RIMS2: variants seen among roughly 807,000 people sequenced by gnomAD.
The protein encoded by RIMS2 is regulating synaptic membrane exocytosis 2, also known as regulating synaptic membrane exocytosis protein 2.
Under a neutral mutation model 174.4 loss-of-function variants are expected in RIMS2, and 59 were observed. The observed-to-expected ratio is 0.34, with a 90% CI of 0.27 to 0.42. RIMS2 has a LOEUF of 0.42. RIMS2 is among the 10% of genes least tolerant of loss of function. The pLI is 1.00. For missense variants in RIMS2, 1,620 were observed against 1,666.3 expected, an observed-to-expected ratio of 0.97 and a Z score of 0.48; for synonymous variants, 606 against 572.5, an observed-to-expected ratio of 1.06 and a Z score of -0.84.
chr8:104,235,741 C>A (rs1448892067), intron 19 of RIMS2, among the ~76,000 whole-genome samples: 1 of 151,948 alleles, frequency 6.6e-6, no homozygotes, highest in Non-Finnish European at 1.5e-5. Context: ...GGTTAAGTTG[C>A]AGACATCATG....
intron 1 of RIMS2, among the ~76,000 whole-genome samples, chr8:103,688,078 G>T (rs2096964493): frequency 6.6e-6 from 1 of 151,996 alleles, no homozygotes; most frequent in Non-Finnish European, 1.5e-5. Flanking sequence ...CAATTTGGAT[G>T]CCTTTTATTT....
At position 104,148,923 on chromosome 8, in the gene RIMS2, T is replaced by G. The variant is rs866991588; in HGVS notation, c.3335-95993T>G. On this transcript the variant is annotated intron_variant, in intron 19 of 23. Transcript: ENST00000504942. ...AGATATATTTCTTTTCTCTTACTCA[T>G]TTTATTGCAGTAATGTGTGGATGAT... The G allele has an allele frequency of 3.5e-6, 5 of 1,426,620 alleles. 1 individual carries two copies. The highest frequency in any genetic ancestry group is 1.9e-4 in the Middle Eastern group (1 of 5,220). The allele number at this position is 1,426,620 out of a possible 1,614,324, so 88.4% of individuals were successfully genotyped here.
intron 1 of RIMS2, among the ~76,000 whole-genome samples, chr8:103,574,688 A>C (rs1356638824): frequency 6.6e-6 from 1 of 152,184 alleles, no homozygotes; most frequent in African/African-American, 2.4e-5. Context: ...TACGAGTGGT[A>C]CTTGGCTGGT....
intron 19 of RIMS2, among the ~76,000 whole-genome samples, chr8:104,145,718 C>T (rs903696574): frequency 4.4e-5 from 4 of 91,172 alleles, no homozygotes; most frequent in Admixed American, 1.1e-4. Flanking sequence ...AATAAATTCG[C>T]CGGACATGGT....
intron 3 of RIMS2, chr8:103,768,263 G>A (rs2098202861): frequency 5.4e-6 from 3 of 551,744 alleles, no homozygotes; most frequent in Non-Finnish European, 6.6e-6. Context: ...TGCCTTGGAG[G>A]CATTCACCTG....
At chr8:103,798,026 C>T (rs931028662) in intron 3 of RIMS2, among the ~76,000 whole-genome samples, 2 of 152,068 alleles carry the variant, frequency 1.3e-5, no homozygotes, top group African/African-American at 2.4e-5. Flanking sequence ...CTTGTTAGAC[C>T]TATTGAAAAT....
At chr8:103,769,452 T>C (rs2098222568) in intron 3 of RIMS2, among the ~76,000 whole-genome samples, 1 of 152,094 alleles carries the variant, frequency 6.6e-6, no homozygotes, top group Non-Finnish European at 1.5e-5. Flanking sequence ...GCCTCCCAAG[T>C]AGATGGGATT....
chr8:104,130,267 T>A (rs1389969532), intron 19 of RIMS2, among the ~76,000 whole-genome samples: 1 of 152,164 alleles, frequency 6.6e-6, no homozygotes, highest in African/African-American at 2.4e-5. Context: ...TCAGATGCAA[T>A]GTGGAAATAC....
intron 19 of RIMS2, among the ~76,000 whole-genome samples, chr8:104,142,564 G>T (rs924030590): frequency 6.6e-6 from 1 of 152,120 alleles, no homozygotes; most frequent in Non-Finnish European, 1.5e-5. Context: ...GCATTAACAA[G>T]CTCTTGGGAA....
rs1365485037 is a variant in RIMS2 at position 103,831,370 on chromosome 8, CG to C, written c.699-53927del. 3.9e-5 allele frequency among the ~76,000 whole-genome samples: 6 copies of C among 152,180 alleles called. No homozygotes were observed. In the East Asian group the frequency reaches 9.7e-4, roughly 25 times the overall value. ...AAAGAGGGCTTTTCTTTTCTTTCTGCGTGGCTAATAACACACAGTGTCAGGA... is the reference window on the plus strand; with the variant it reads ...AAAGAGGGCTTTTCTTTTCTTTCTGCTGGCTAATAACACACAGTGTCAGGA... On this transcript the variant is annotated intron_variant, in intron 3 of 23. Transcript: ENST00000504942.
intron 1 of RIMS2, chr8:103,568,599 A>T (rs2092565660): frequency 1.8e-6 from 1 of 545,968 alleles, no homozygotes; most frequent in African/African-American, 1.9e-5. Context: ...TTCAGCTGTA[A>T]CTGTGATCAG....
At chr8:103,751,791 G>T (rs1380412202) in intron 2 of RIMS2, among the ~76,000 whole-genome samples, 1 of 151,068 alleles carries the variant, frequency 6.6e-6, no homozygotes, top group African/African-American at 2.4e-5. Flanking sequence ...TTTTGATGGG[G>T]TTGTTTGTTT....
chr8:103,533,382 A>G (rs1410777981), intron 1 of RIMS2, among the ~76,000 whole-genome samples: 1 of 152,224 alleles, frequency 6.6e-6, no homozygotes, highest in African/African-American at 2.4e-5. Flanking sequence ...AATGTTATCA[A>G]TACTTTTCTG....
intron 19 of RIMS2, among the ~76,000 whole-genome samples, chr8:104,170,615 C>A (rs940215087): frequency 6.6e-6 from 1 of 151,938 alleles, no homozygotes; most frequent in African/African-American, 2.4e-5. Flanking sequence ...TCCATTCTAC[C>A]ATTCTGTATC....
chr8:103,640,968 G>T (rs1298955176), intron 1 of RIMS2, among the ~76,000 whole-genome samples: 6 of 152,040 alleles, frequency 3.9e-5, no homozygotes, highest in Non-Finnish European at 8.8e-5. Context: ...TGTAACAGTG[G>T]ATTAATCTCT....
At chr8:104,171,805 G>T (rs1354937101) in intron 19 of RIMS2, among the ~76,000 whole-genome samples, 1 of 151,996 alleles carries the variant, frequency 6.6e-6, no homozygotes, top group African/African-American at 2.4e-5. Context: ...TTTTCTACTG[G>T]ACTGTGTTTT....
chr8:104,210,339 T>A (rs1306209359), intron 19 of RIMS2, among the ~76,000 whole-genome samples: 2 of 152,118 alleles, frequency 1.3e-5, no homozygotes, highest in Non-Finnish European at 2.9e-5. Flanking sequence ...AAACCACAAA[T>A]CTTCATCACT....
intron 19 of RIMS2, among the ~76,000 whole-genome samples, chr8:104,110,045 G>A (rs1339157406): frequency 6.6e-6 from 1 of 152,074 alleles, no homozygotes; most frequent in African/African-American, 2.4e-5. Context: ...GTGTACAAAT[G>A]ATTACAATAT....
chr8:103,732,739 T>C (rs1010837550), intron 2 of RIMS2, among the ~76,000 whole-genome samples: 1 of 152,190 alleles, frequency 6.6e-6, no homozygotes, highest in Admixed American at 6.5e-5. Context: ...ACCTATGGCC[T>C]CTACTACTTG....
Sources: gnomAD v4.1 joint callset for allele counts (sites outside exome capture counted in the v4.1 genomes callset) on GRCh38, gnomAD v4.1.1 for gene constraint, MANE v1.5 for transcripts, NCBI Gene and HGNC (gene_info 2026-07-23, HGNC 2026-07-21) for gene names.